Variants in SYN3 observed in about 807,000 individuals in gnomAD.
SYN3 encodes synapsin III.
A neutral mutation model predicts 65.8 loss-of-function variants in SYN3; 35 were observed. The observed-to-expected ratio is 0.53, with a 90% confidence interval of 0.41 to 0.70. SYN3 has a LOEUF of 0.70. Ranked by LOEUF, SYN3 falls within the 30% of genes least tolerant of loss-of-function variation. The probability of loss-of-function intolerance (pLI) is 0.00; values close to 1 mark genes in which losing one functional copy is unlikely to be tolerated. For synonymous variants in SYN3, 270 were observed against 292.9 expected, an observed-to-expected ratio of 0.92 and a Z score of 0.80; for missense variants, 680 against 749.0, an observed-to-expected ratio of 0.91 and a Z score of 1.08.
intron 6 of SYN3, among the ~76,000 whole-genome samples, chr22:32,762,710 G>A (rs983660160): frequency 5.9e-5 from 9 of 152,206 alleles, no homozygotes; most frequent in Non-Finnish European, 1.2e-4. Flanking sequence ...TGGGGCGGGC[G>A]CCCTTGCATG....
intron 6 of SYN3, among the ~76,000 whole-genome samples, chr22:32,765,385 C>T (rs1336567265): frequency 6.6e-6 from 1 of 152,162 alleles, no homozygotes; most frequent in Non-Finnish European, 1.5e-5. Flanking sequence ...ATATCTCTGG[C>T]CAAGTCCTTG....
intron 12 of SYN3, chr22:32,518,593 T>C (rs1014528895): frequency 1.5e-5 from 9 of 616,980 alleles, no homozygotes; most frequent in Non-Finnish European, 2.7e-5. Context: ...TGATAACATA[T>C]GCTAAATATT....
At chr22:32,795,338 T>C (rs1414584543) in intron 6 of SYN3, among the ~76,000 whole-genome samples, 1 of 152,072 alleles carries the variant, frequency 6.6e-6, no homozygotes, top group African/African-American at 2.4e-5. Flanking sequence ...AAGGTAGAAA[T>C]GGTAAGAATG....
intron 4 of SYN3, among the ~76,000 whole-genome samples, chr22:32,902,538 A>G (rs1601657170): frequency 6.6e-6 from 1 of 152,268 alleles, no homozygotes; most frequent in Middle Eastern, 3.4e-3. Context: ...TTATTAGCCT[A>G]TTTTTCAGAT....
chr22:32,511,442 T>C lies in SYN3; in HGVS notation c.*2250A>G, dbSNP rs560095849. On this transcript the variant is annotated 3_prime_UTR_variant, in exon 14 of 14. Transcript: ENST00000358763. ...CTGCATCATCTCAGCTGCCTCTGGATAGGATTCTGCCAGCTCCTGGCCAGA... is the reference window on the plus strand; with the variant it reads ...CTGCATCATCTCAGCTGCCTCTGGACAGGATTCTGCCAGCTCCTGGCCAGA... Among the ~76,000 whole-genome samples, 14 of 152,340 alleles carry C rather than the reference T, an allele frequency of 9.2e-5. No individual in the cohort carries two copies. Among genetic ancestry groups the C allele is most frequent in the Admixed American group, 3.9e-4 (6 of 15,306 alleles).
chr22:32,914,999 C>G (rs1373806871), intron 4 of SYN3, among the ~76,000 whole-genome samples: 2 of 152,138 alleles, frequency 1.3e-5, no homozygotes, highest in African/African-American at 2.4e-5. Context: ...AGGGACCGGA[C>G]AGTCTGGTGG....
chr22:32,684,243 T>C (rs927858546), intron 6 of SYN3, among the ~76,000 whole-genome samples: 1 of 152,022 alleles, frequency 6.6e-6, no homozygotes, highest in Non-Finnish European at 1.5e-5. Flanking sequence ...TTGAACACAG[T>C]TGGAGCTTGC....
chr22:32,652,873 C>A (rs906687399), intron 6 of SYN3, among the ~76,000 whole-genome samples: 1 of 152,150 alleles, frequency 6.6e-6, no homozygotes, highest in African/African-American at 2.4e-5. Context: ...TAAGGGAAAT[C>A]CCTATGAGCT....
chr22:32,646,061 C>G (rs1238116185), intron 6 of SYN3, among the ~76,000 whole-genome samples: 1 of 152,156 alleles, frequency 6.6e-6, no homozygotes, highest in Admixed American at 6.5e-5. Flanking sequence ...GTGGAAGTGG[C>G]TGCTTGAAAC....
chr22:33,046,084 T>A (rs1266145604), intron 1 of SYN3, among the ~76,000 whole-genome samples: 1 of 151,690 alleles, frequency 6.6e-6, no homozygotes, highest in Admixed American at 6.6e-5. Context: ...AATATACACT[T>A]GAAAAGATAT....
At chr22:32,630,235 G>T (rs1257389350) in intron 6 of SYN3, among the ~76,000 whole-genome samples, 1 of 152,052 alleles carries the variant, frequency 6.6e-6, no homozygotes, top group African/African-American at 2.4e-5. Context: ...GCCCCCCTCG[G>T]CCTCCCAGAG....
chr22:32,761,101 G>A (rs1195736785), intron 6 of SYN3, among the ~76,000 whole-genome samples: 1 of 152,144 alleles, frequency 6.6e-6, no homozygotes, highest in African/African-American at 2.4e-5. Context: ...CTGGGAGGTG[G>A]AGAGTTGAAG....
At chr22:32,836,897 G>A (rs1303015359) in intron 6 of SYN3, among the ~76,000 whole-genome samples, 1 of 152,196 alleles carries the variant, frequency 6.6e-6, no homozygotes, top group Non-Finnish European at 1.5e-5. Context: ...AGCAGCCATT[G>A]GCTCTTGTTC....
chr22:33,026,150 T>A (rs1232126175), intron 1 of SYN3, among the ~76,000 whole-genome samples: 1 of 152,184 alleles, frequency 6.6e-6, no homozygotes, highest in Non-Finnish European at 1.5e-5. Flanking sequence ...CAAATCCCTT[T>A]CATTCATGCC....
At chr22:32,835,840 T>C (rs1292058100) in intron 6 of SYN3, among the ~76,000 whole-genome samples, 4 of 152,194 alleles carry the variant, frequency 2.6e-5, no homozygotes, top group Non-Finnish European at 5.9e-5. Context: ...AAGTGGAGAT[T>C]TGAATCCAGA....
At chr22:32,980,108 T>C (rs959343926) in intron 3 of SYN3, among the ~76,000 whole-genome samples, 6 of 152,218 alleles carry the variant, frequency 3.9e-5, no homozygotes, top group South Asian at 2.1e-4. Flanking sequence ...TTGATATTAA[T>C]AGCAATAGCA....
intron 6 of SYN3, among the ~76,000 whole-genome samples, chr22:32,704,689 G>A (rs559382893): frequency 1.6e-3 from 242 of 152,228 alleles, no homozygotes; most frequent in African/African-American, 5.6e-3. Context: ...CACCAACAGT[G>A]TATAAGTGTC....
chr22:33,035,336 C>A (rs1002971003), intron 1 of SYN3, among the ~76,000 whole-genome samples: 3 of 79,450 alleles, frequency 3.8e-5, no homozygotes, highest in African/African-American at 8.5e-5. Flanking sequence ...CGGGACCCCC[C>A]CCCCCCCCGC....
chr22:32,725,922 C>G (rs144763073), intron 6 of SYN3, among the ~76,000 whole-genome samples: 60 of 152,280 alleles, frequency 3.9e-4, no homozygotes, highest in African/African-American at 1.4e-3. Flanking sequence ...TTATTTTTTG[C>G]ATAATCCCCA....
Sources: allele counts gnomAD v4.1 joint callset (sites outside exome capture counted in the v4.1 genomes callset), GRCh38; gene constraint gnomAD v4.1.1; transcripts MANE v1.5; gene names NCBI Gene and HGNC (gene_info 2026-07-23, HGNC 2026-07-21).